Variants in SERPINB7 observed in about 807,000 individuals in gnomAD.
SERPINB7 encodes serpin family B member 7.
In SERPINB7, 31 loss-of-function variants were observed where a neutral mutation model predicts 37.4. That is an observed-to-expected ratio of 0.83 (90% CI 0.62 to 1.12). The LOEUF (loss-of-function observed/expected upper bound fraction) is 1.12. Ranked by LOEUF, SERPINB7 falls within the 50% of genes most tolerant of loss-of-function variation. The pLI is 0.00. For synonymous variants in SERPINB7, 163 were observed against 166.1 expected (o/e 0.98, Z 0.14); for missense variants, 521 against 455.3 (o/e 1.14, Z -1.31).
intron 2 of SERPINB7, among the ~76,000 whole-genome samples, chr18:63,786,708 C>T (rs1212449391): frequency 1.3e-5 from 2 of 152,058 alleles, no homozygotes; most frequent in East Asian, 3.9e-4. Context: ...CATCTGAATT[C>T]ATAAACCATT....
intron 1 of SERPINB7, among the ~76,000 whole-genome samples, chr18:63,757,550 G>T (rs2049129010): frequency 6.6e-6 from 1 of 152,120 alleles, no homozygotes; most frequent in Non-Finnish European, 1.5e-5. Flanking sequence ...AAAACTGGCT[G>T]GACACCTGAT....
At chr18:63,783,232 G>GAAAGAAAGAAAGAA (rs1555694190) in intron 2 of SERPINB7, among the ~76,000 whole-genome samples, 8 of 40,750 alleles carry the variant, frequency 2.0e-4, no homozygotes, top group African/African-American at 7.2e-4. Context: ...GAGAGAGAGA[G>GAAAGAAAGAAAGAA]AGAAAGAAAG....
chr18:63,793,966 CAG>C (rs1406931516), intron 4 of SERPINB7, among the ~76,000 whole-genome samples: 2 of 151,886 alleles, frequency 1.3e-5, no homozygotes, highest in African/African-American at 4.8e-5. Flanking sequence ...CTCTTTTAGA[CAG>C]AGTCTAGCTC....
chr18:63,795,577 A>T (rs1199123786), intron 4 of SERPINB7, among the ~76,000 whole-genome samples: 7 of 66,782 alleles, frequency 1.0e-4, no homozygotes, highest in African/African-American at 3.0e-4. Context: ...AAAAAGAATT[A>T]AAAAAAAAAA....
chr18:63,798,372 G>A (rs570642165), intron 5 of SERPINB7, among the ~76,000 whole-genome samples: 1 of 152,160 alleles, frequency 6.6e-6, no homozygotes, highest in East Asian at 1.9e-4. Flanking sequence ...ACAGGAAATG[G>A]AAACAATAAT....
At chr18:63,789,464 T>C (rs1339184847) in intron 2 of SERPINB7, among the ~76,000 whole-genome samples, 1 of 152,192 alleles carries the variant, frequency 6.6e-6, no homozygotes, top group Non-Finnish European at 1.5e-5. Flanking sequence ...GTAGTCCAAA[T>C]AAATAATTCC....
At chr18:63,766,923 A>G (rs1000725279) in intron 1 of SERPINB7, among the ~76,000 whole-genome samples, 1 of 152,118 alleles carries the variant, frequency 6.6e-6, no homozygotes, top group Non-Finnish European at 1.5e-5. Flanking sequence ...TCTTTTTTCT[A>G]CTTCTTTCAT....
intron 4 of SERPINB7, 37 bp from the exon 5 acceptor site, chr18:63,796,229 T>C (rs1272840362): frequency 4.2e-6 from 5 of 1,181,974 alleles, no homozygotes; most frequent in Non-Finnish European, 3.8e-6. Context: ...TAGTTGGTGA[T>C]GATTTGTAAA....
At chr18:63,762,357 C>T (rs1479983550) in intron 1 of SERPINB7, among the ~76,000 whole-genome samples, 1 of 152,152 alleles carries the variant, frequency 6.6e-6, no homozygotes, top group Non-Finnish European at 1.5e-5. Flanking sequence ...ATAAGATTGT[C>T]ATATTTTTCT....
At chr18:63,796,637 A>G (rs1356785562) in intron 5 of SERPINB7, among the ~76,000 whole-genome samples, 6 of 152,204 alleles carry the variant, frequency 3.9e-5, no homozygotes, top group African/African-American at 1.4e-4. Context: ...ACCCTGCAGG[A>G]CAAACATATT....
At chr18:63,755,420 T>C (rs1038007653) in intron 1 of SERPINB7, among the ~76,000 whole-genome samples, 1 of 152,198 alleles carries the variant, frequency 6.6e-6, no homozygotes, top group African/African-American at 2.4e-5. Context: ...AAGACAAACA[T>C]GAAACTGAGC....
chr18:63,774,958 G>C (rs568259312), upstream of SERPINB7, among the ~76,000 whole-genome samples: 3 of 152,220 alleles, frequency 2.0e-5, no homozygotes, highest in African/African-American at 7.2e-5. Flanking sequence ...AAAACATTGT[G>C]TGAGATTCTA....
intron 1 of SERPINB7, among the ~76,000 whole-genome samples, chr18:63,764,017 A>G (rs1452014729): frequency 6.6e-6 from 1 of 152,238 alleles, no homozygotes; most frequent in Non-Finnish European, 1.5e-5. Context: ...GTATTTCCCA[A>G]GTTATGAAAA....
chr18:63,784,685 C>A (rs112230515), intron 2 of SERPINB7, among the ~76,000 whole-genome samples: 75 of 152,262 alleles, frequency 4.9e-4, no homozygotes, highest in African/African-American at 1.8e-3. Flanking sequence ...AAAATCATGT[C>A]ATCTCTGTGG....
chr18:63,774,524 CCT>C (rs749410047), upstream of SERPINB7, among the ~76,000 whole-genome samples: 5 of 152,114 alleles, frequency 3.3e-5, no homozygotes, highest in South Asian at 4.2e-4. Context: ...TGTTTTTGCC[CCT>C]GTGTGGCATG....
chr18:63,784,285 T>C (rs767137540), intron 2 of SERPINB7, among the ~76,000 whole-genome samples: 5 of 152,188 alleles, frequency 3.3e-5, no homozygotes, highest in Non-Finnish European at 7.3e-5. Context: ...ATCTTTGTTG[T>C]GAGGGGCTGT....
upstream of SERPINB7, among the ~76,000 whole-genome samples, chr18:63,770,450 G>A (rs1187905699): frequency 6.6e-6 from 1 of 151,848 alleles, no homozygotes; most frequent in East Asian, 1.9e-4. Context: ...TAATTAGCAG[G>A]AAAGAATATG....
At chr18:63,792,728 T>C (rs2049442675) in intron 3 of SERPINB7, among the ~76,000 whole-genome samples, 1 of 152,200 alleles carries the variant, frequency 6.6e-6, no homozygotes, top group African/African-American at 2.4e-5. Flanking sequence ...CATGCTTTAT[T>C]CAGATTTCCA....
At chr18:63,804,120 A>G (rs80032572) in intron 7 of SERPINB7, 117 bp from the exon 8 acceptor site, 22,105 of 719,970 alleles carry the variant, frequency 0.031, 481 homozygotes, top group African/African-American at 0.077. Context: ...ACATTCATGT[A>G]CTTGAACACA....
Sources: gnomAD v4.1 joint callset for allele counts (sites outside exome capture counted in the v4.1 genomes callset) on GRCh38, gnomAD v4.1.1 for gene constraint, MANE v1.5 for transcripts, NCBI Gene and HGNC (gene_info 2026-07-23, HGNC 2026-07-21) for gene names.